The following EPHB2 variants were observed in gnomAD, a reference collection of about 807,000 sequenced individuals.
EPHB2 encodes EPH receptor B2.
A neutral mutation model predicts 96.4 loss-of-function variants in EPHB2; 18 were observed. The ratio of observed to expected loss-of-function variants is 0.19; its 90% confidence interval spans 0.13 to 0.28. The LOEUF (loss-of-function observed/expected upper bound fraction) is 0.28. Ranked by LOEUF, EPHB2 falls within the 10% of genes least tolerant of loss-of-function variation. The pLI is 1.00. For missense variants in EPHB2, 989 were observed against 1,355.4 expected (o/e 0.73, Z 4.25); for synonymous variants, 506 against 534.1 (o/e 0.95, Z 0.72).
chr1:22,770,856 CAGAT>C (rs1233516225), intron 1 of EPHB2, among the ~76,000 whole-genome samples: 2 of 150,058 alleles, frequency 1.3e-5, no homozygotes, highest in African/African-American at 5.0e-5. Flanking sequence ...TGGAGTGGGA[CAGAT>C]GGATGGGGTG....
intron 1 of EPHB2, among the ~76,000 whole-genome samples, chr1:22,740,059 G>A (rs541686145): frequency 2.0e-5 from 3 of 152,296 alleles, no homozygotes; most frequent in African/African-American, 4.8e-5. Flanking sequence ...CAAATAAACC[G>A]GTTTTGAAGC....
chr1:22,840,394 GA>G (rs1645448705), intron 3 of EPHB2, among the ~76,000 whole-genome samples: 1 of 152,194 alleles, frequency 6.6e-6, no homozygotes, highest in South Asian at 2.1e-4. Context: ...ACAATTGTTA[GA>G]AATCAAGCCT....
chr1:22,718,075 C>T (rs1350873027), intron 1 of EPHB2, among the ~76,000 whole-genome samples: 3 of 152,140 alleles, frequency 2.0e-5, no homozygotes, highest in South Asian at 4.1e-4. Context: ...ATGGGAAGCT[C>T]AATTCACAGT....
intron 6 of EPHB2, among the ~76,000 whole-genome samples, chr1:22,890,547 G>T (rs570424682): frequency 2.4e-4 from 37 of 152,238 alleles, no homozygotes; most frequent in African/African-American, 8.4e-4. Flanking sequence ...GGTGGTTCCT[G>T]TTTGTTCTTT....
chr1:22,829,683 T>A (rs142357421), intron 3 of EPHB2, among the ~76,000 whole-genome samples: 2 of 152,092 alleles, frequency 1.3e-5, no homozygotes, highest in South Asian at 4.2e-4. Flanking sequence ...GTAGGGCCAT[T>A]TGGGGACACA....
intron 1 of EPHB2, among the ~76,000 whole-genome samples, chr1:22,742,243 T>C (rs1173364907): frequency 6.6e-6 from 1 of 152,146 alleles, no homozygotes. Context: ...AGGACCGCCC[T>C]GGCTGATGTA....
In EPHB2 at chr1:22,831,340, G is replaced by A. The variant is rs1413801164; in HGVS notation, c.812-31697G>A. On this transcript the variant is annotated intron_variant, in intron 3 of 15. Coordinates refer to ENST00000374630, the MANE Select transcript of EPHB2 (RefSeq NM_017449.5). ...CCCAGAACTGGGATGGGGAGTGGCT[G>A]CCCCTTGCTACCTCCCCCCTTAGCA... Among the ~76,000 whole-genome samples the A allele has an allele frequency of 2.0e-5, 3 of 152,152 alleles. No individual in the cohort carries two copies. The East Asian group carries it at 5.8e-4, about 29-fold the overall frequency.
chr1:22,804,939 G>A (rs1052088384), intron 3 of EPHB2, among the ~76,000 whole-genome samples: 1 of 151,658 alleles, frequency 6.6e-6, no homozygotes, highest in Admixed American at 6.6e-5. Flanking sequence ...GGGACCACTT[G>A]CCTGTGCCTG....
At chr1:22,725,506 C>T (rs144522696) in intron 1 of EPHB2, among the ~76,000 whole-genome samples, 17 of 152,128 alleles carry the variant, frequency 1.1e-4, no homozygotes, top group Admixed American at 5.9e-4. Flanking sequence ...TTTCTCCCCC[C>T]GAGACTCCCT....
chr1:22,863,228 C>T (rs760756497), intron 4 of EPHB2, 36 bp downstream of exon 4: 18 of 1,613,572 alleles, frequency 1.1e-5, no homozygotes, highest in Middle Eastern at 1.7e-4. Flanking sequence ...GATGGCTGGC[C>T]GAGTCCCAGG....
intron 9 of EPHB2, among the ~76,000 whole-genome samples, chr1:22,902,586 G>A (rs542635627): frequency 6.6e-6 from 1 of 152,342 alleles, no homozygotes; most frequent in African/African-American, 2.4e-5. Context: ...AAGACACGTA[G>A]TAATGCTATT....
chr1:22,760,183 C>G (rs572109973), intron 1 of EPHB2, among the ~76,000 whole-genome samples: 2 of 152,242 alleles, frequency 1.3e-5, no homozygotes, highest in South Asian at 4.2e-4. Context: ...CAAGACCCCA[C>G]AGTTTGGTGG....
rs10917285 is a variant in EPHB2 at position 22,740,740 on chromosome 1, G to A, written c.61+29697G>A. ...TCTGCCTGGCGGCCCTTCCCCGCCC[G>A]TCTCATCCCTCCCAGAGCCCCACCC... On this transcript the variant is annotated intron_variant, in intron 1 of 15. Coordinates refer to ENST00000374630, the MANE Select transcript of EPHB2 (RefSeq NM_017449.5). Among the ~76,000 whole-genome samples the A allele has an allele frequency of 8.7e-5, 13 of 150,084 alleles. No homozygotes were observed. The Middle Eastern group carries it at 0.01, about 120-fold the overall frequency.
chr1:22,723,693 G>A (rs535942421), intron 1 of EPHB2, among the ~76,000 whole-genome samples: 2 of 152,378 alleles, frequency 1.3e-5, no homozygotes, highest in Non-Finnish European at 2.9e-5. Context: ...GGCGGTGTCA[G>A]GGGCAAACCA....
At chr1:22,817,082 C>A (rs563615398) in intron 3 of EPHB2, among the ~76,000 whole-genome samples, 11 of 152,322 alleles carry the variant, frequency 7.2e-5, no homozygotes, top group Admixed American at 5.9e-4. Flanking sequence ...GGTGGATGGG[C>A]AGCCTCGCTG....
chr1:22,796,430 C>T (rs935719398), intron 3 of EPHB2, among the ~76,000 whole-genome samples: 1 of 152,160 alleles, frequency 6.6e-6, no homozygotes, highest in Non-Finnish European at 1.5e-5. Flanking sequence ...GTTTTCATAA[C>T]GAGGATTTTG....
At chr1:22,777,463 C>A (rs1644468490) in intron 1 of EPHB2, among the ~76,000 whole-genome samples, 1 of 152,142 alleles carries the variant, frequency 6.6e-6, no homozygotes, top group Non-Finnish European at 1.5e-5. Context: ...CGGGAGACGT[C>A]TGGTGTGTTA....
At chr1:22,815,060 G>A (rs1445485901) in intron 3 of EPHB2, among the ~76,000 whole-genome samples, 1 of 152,210 alleles carries the variant, frequency 6.6e-6, no homozygotes, top group African/African-American at 2.4e-5. Flanking sequence ...TTTCCTGAGA[G>A]GTGCTTGTGG....
intron 1 of EPHB2, among the ~76,000 whole-genome samples, chr1:22,717,439 C>T (rs973758337): frequency 6.6e-6 from 1 of 152,204 alleles, no homozygotes; most frequent in Non-Finnish European, 1.5e-5. Flanking sequence ...GACACCCTCA[C>T]TAGGTGAGCT....
Sources: gnomAD v4.1 joint callset for allele counts (sites outside exome capture counted in the v4.1 genomes callset) on GRCh38, gnomAD v4.1.1 for gene constraint, MANE v1.5 for transcripts, NCBI Gene and HGNC (gene_info 2026-07-23, HGNC 2026-07-21) for gene names.